Variants in ARHGEF12 observed in about 807,000 individuals in gnomAD.
The protein encoded by ARHGEF12 is KMT2A/ARHGEF12 fusion protein.
A neutral mutation model predicts 211.2 loss-of-function variants in ARHGEF12; 66 were observed. The observed-to-expected ratio is 0.31, with a 90% confidence interval of 0.26 to 0.38. ARHGEF12 has a LOEUF of 0.38. Ranked by LOEUF, ARHGEF12 falls within the 10% of genes least tolerant of loss-of-function variation. The probability of loss-of-function intolerance (pLI) is 1.00; values close to 1 mark genes in which losing one functional copy is unlikely to be tolerated. For synonymous variants in ARHGEF12, 592 were observed against 638.4 expected, an observed-to-expected ratio of 0.93 and a Z score of 1.09; for missense variants, 1,429 against 1,869.5, an observed-to-expected ratio of 0.76 and a Z score of 4.34.
intron 4 of ARHGEF12, among the ~76,000 whole-genome samples, chr11:120,419,946 T>C (rs1945134577): frequency 6.6e-6 from 1 of 152,178 alleles, no homozygotes; most frequent in Non-Finnish European, 1.5e-5. Flanking sequence ...AAAACAGCCC[T>C]GGGTACTAAT....
At chr11:120,382,447 A>G (rs1470015117) in intron 1 of ARHGEF12, among the ~76,000 whole-genome samples, 1 of 152,252 alleles carries the variant, frequency 6.6e-6, no homozygotes, top group Non-Finnish European at 1.5e-5. Flanking sequence ...ACATTTAGAT[A>G]GCTCTAGTTT....
At chr11:120,384,064 A>C (rs1943957091) in intron 1 of ARHGEF12, among the ~76,000 whole-genome samples, 1 of 152,160 alleles carries the variant, frequency 6.6e-6, no homozygotes, top group African/African-American at 2.4e-5. Flanking sequence ...GCATCAGAGA[A>C]ACTGAGACCT....
intron 22 of ARHGEF12, among the ~76,000 whole-genome samples, chr11:120,453,403 A>G (rs1946269468): frequency 6.6e-6 from 1 of 152,140 alleles, no homozygotes; most frequent in African/African-American, 2.4e-5. Flanking sequence ...TTTAACAAAT[A>G]CTTGGGAGAT....
In ARHGEF12 at chr11:120,442,145, C is replaced by T. The variant is rs1945886736; in HGVS notation, c.1245C>T (p.Ser415=). The change falls in exon 15 of 41, where the codon TCC becomes TCT. Residue 415 remains serine (S), a synonymous_variant. Transcript: ENST00000397843. The part of the protein sequence containing the change: ...LYSDLYKHTN[S]KETRRIFLEF... Reference sequence around the variant, plus strand: ...CAGACCTGTATAAACATACCAATTCCAAAGAAACTCGTCGCATCTTCCTTG... The same window carrying T: ...CAGACCTGTATAAACATACCAATTCTAAAGAAACTCGTCGCATCTTCCTTG... 4 of 1,610,712 alleles carry T rather than the reference C, an allele frequency of 2.5e-6. No homozygotes were observed. Among genetic ancestry groups the T allele is most frequent in the Non-Finnish European group, 3.4e-6 (4 of 1,179,362 alleles).
chr11:120,342,333 C>G (rs1018704387), intron 1 of ARHGEF12, among the ~76,000 whole-genome samples: 1 of 152,158 alleles, frequency 6.6e-6, no homozygotes, highest in African/African-American at 2.4e-5. Context: ...ATAGATCTTG[C>G]TGTCAGGAAG....
At chr11:120,436,937 A>G (rs1945712484) in intron 11 of ARHGEF12, among the ~76,000 whole-genome samples, 1 of 152,102 alleles carries the variant, frequency 6.6e-6, no homozygotes, top group Non-Finnish European at 1.5e-5. Flanking sequence ...AAATGCTTTT[A>G]GCTTGGATAG....
chr11:120,347,196 CTT>C lies in ARHGEF12; in HGVS notation c.32+9923_32+9924del, dbSNP rs1301188425. The stretch of plus-strand genomic sequence containing the variant: ...CCTTCCTTCCTTCCTTTCTTTCTTT[CTT>C]TCTTTCTCTTTCTTTTTCTTTCTTT... On this transcript the variant is annotated intron_variant, in intron 1 of 40. Transcript: ENST00000397843. 3.8e-3 allele frequency among the ~76,000 whole-genome samples: 507 copies of C among 134,568 alleles called. 10 individuals are homozygous for C. Among genetic ancestry groups the C allele is most frequent in the African/African-American group, 0.014 (461 of 31,822 alleles). The allele number at this position is 134,568 out of a possible 152,430, so 88.3% of individuals were successfully genotyped here.
intron 14 of ARHGEF12, 68 bp from the exon 15 acceptor site, chr11:120,442,036 G>A (rs1398775830): frequency 1.7e-6 from 2 of 1,170,556 alleles, no homozygotes; most frequent in Admixed American, 2.1e-5. Flanking sequence ...CCTACTCAAT[G>A]GTGACCTAGC....
intron 15 of ARHGEF12, 59 bp from the exon 16 acceptor site, chr11:120,445,363 T>TA: frequency 1.3e-6 from 2 of 1,560,492 alleles, no homozygotes; most frequent in Non-Finnish European, 1.8e-6. Flanking sequence ...CAGAAGTACT[T>TA]ATGTACATCT....
At chr11:120,457,642 C>G (rs1179357226) in intron 23 of ARHGEF12, 79 bp from the exon 24 acceptor site, 3 of 1,085,700 alleles carry the variant, frequency 2.8e-6, no homozygotes, top group Non-Finnish European at 3.9e-6. Context: ...GGAGTTTAAC[C>G]TAGCTTTGAG....
Position 120,489,491 on chromosome 11 carries a change from C to T in ARHGEF12, c.*4414C>T, listed in dbSNP as rs1215059392. 4.5e-6 allele frequency: 1 copy of T among 222,898 alleles called. No homozygotes were observed. The highest frequency in any genetic ancestry group is 2.2e-5 in the African/African-American group (1 of 44,710). The allele number at this position is 222,898 out of a possible 1,614,324, so 13.8% of individuals were successfully genotyped here. A position where few individuals can be genotyped will look rare whatever the true frequency, so the allele number is the denominator to read the frequency against. ...AGCATATGCCTCTATTTTTCCTGTC[C>T]CCAGTGCTGGGCTTCTTCACATACC... On this transcript the variant is annotated 3_prime_UTR_variant, in exon 41 of 41. Coordinates refer to ENST00000397843, the MANE Select transcript of ARHGEF12 (RefSeq NM_015313.3).
chr11:120,399,434 A>G, intron 1 of ARHGEF12, among the ~76,000 whole-genome samples: 1 of 150,456 alleles, frequency 6.6e-6, no homozygotes, highest in Non-Finnish European at 1.5e-5. Context: ...CGAAGTTTAT[A>G]CTTTTCTGAT....
At chr11:120,476,956 A>G (rs936470052) in intron 34 of ARHGEF12, 9 of 587,568 alleles carry the variant, frequency 1.5e-5, no homozygotes, top group Non-Finnish European at 2.3e-5. Flanking sequence ...TCCTAAAGAA[A>G]AAATTGTGCA....
intron 34 of ARHGEF12, chr11:120,477,009 T>G (rs1004970644): frequency 1.7e-6 from 1 of 593,648 alleles, no homozygotes; most frequent in African/African-American, 1.9e-5. Flanking sequence ...TAGATTTCTC[T>G]TAAGGTATAG....
At chr11:120,432,650 T>C (rs1945582853) in intron 11 of ARHGEF12, among the ~76,000 whole-genome samples, 1 of 152,204 alleles carries the variant, frequency 6.6e-6, no homozygotes, top group Admixed American at 6.5e-5. Context: ...TGTATTTCTT[T>C]TTTAAAAAAA....
intron 1 of ARHGEF12, chr11:120,338,006 A>G (rs748345518): frequency 6.0e-5 from 41 of 683,904 alleles, no homozygotes; most frequent in Non-Finnish European, 7.4e-5. Flanking sequence ...TCTGTCCTTT[A>G]TAGCACCTAC....
At chr11:120,420,540 C>A (rs1027929883) in intron 4 of ARHGEF12, among the ~76,000 whole-genome samples, 3 of 152,154 alleles carry the variant, frequency 2.0e-5, no homozygotes, top group Non-Finnish European at 2.9e-5. Context: ...TTCTATTATA[C>A]TCCGCCAGTG....
chr11:120,484,861 G>A (rs1317257089), intron 40 of ARHGEF12, among the ~76,000 whole-genome samples: 3 of 152,154 alleles, frequency 2.0e-5, no homozygotes, highest in Non-Finnish European at 1.5e-5. Flanking sequence ...TTGGATGTTG[G>A]TGCACTTGCC....
At chr11:120,459,064 A>T in intron 25 of ARHGEF12, 110 bp from the exon 26 acceptor site, 1 of 916,336 alleles carries the variant, frequency 1.1e-6, no homozygotes, top group Non-Finnish European at 1.5e-6. Context: ...TCTAAATGAT[A>T]AATAATTTAT....
Sources: gnomAD v4.1 joint callset for allele counts (sites outside exome capture counted in the v4.1 genomes callset) on GRCh38, gnomAD v4.1.1 for gene constraint, MANE v1.5 for transcripts, NCBI Gene and HGNC (gene_info 2026-07-23, HGNC 2026-07-21) for gene names.